DMD: variants seen among roughly 807,000 people sequenced by gnomAD.
DMD encodes the protein dystrophin.
In DMD, 63 loss-of-function variants were observed where a neutral mutation model predicts 330.1. That is an observed-to-expected ratio of 0.19 (90% CI 0.16 to 0.24). DMD has a LOEUF of 0.24. DMD is among the 10% of genes least tolerant of loss of function. DMD has a pLI of 1.00. For synonymous variants in DMD, 1,223 were observed against 959.8 expected, an observed-to-expected ratio of 1.27 and a Z score of -5.07; for missense variants, 3,344 against 2,684.1, an observed-to-expected ratio of 1.25 and a Z score of -5.43.
chrX:31,482,554 A>G (rs1224243182), intron 57 of DMD, among the ~76,000 whole-genome samples: 2 of 111,068 alleles, frequency 1.8e-5, no homozygotes, highest in Non-Finnish European at 3.8e-5. Flanking sequence ...AGTGAGTCCA[A>G]TGAAACACAG....
At chrX:32,479,781 C>T (rs981252304) in intron 21 of DMD, among the ~76,000 whole-genome samples, 4 of 109,401 alleles carry the variant, frequency 3.7e-5, no homozygotes, top group Non-Finnish European at 7.6e-5. Flanking sequence ...GCATATATCA[C>T]TATATATATC....
intron 43 of DMD, among the ~76,000 whole-genome samples, chrX:32,284,248 A>G (rs2148437081): frequency 8.9e-6 from 1 of 111,867 alleles, no homozygotes; most frequent in African/African-American, 3.2e-5. Context: ...AGAACCTTGA[A>G]TGGTCTATAG....
chrX:33,173,739 T>A (rs1026837143), intron 1 of DMD, among the ~76,000 whole-genome samples: 2 of 110,658 alleles, frequency 1.8e-5, no homozygotes, highest in Non-Finnish European at 3.8e-5. Flanking sequence ...TTACAAAGAA[T>A]AAAGAAAAAG....
intron 43 of DMD, among the ~76,000 whole-genome samples, chrX:32,283,145 A>G (rs1313617840): frequency 9.0e-6 from 1 of 111,581 alleles, no homozygotes; most frequent in East Asian, 2.8e-4. Flanking sequence ...AGACATATAT[A>G]GCAGACCTTA....
At chrX:32,968,445 G>T (rs2092250248) in intron 2 of DMD, among the ~76,000 whole-genome samples, 1 of 111,379 alleles carries the variant, frequency 9.0e-6, no homozygotes, top group Non-Finnish European at 1.9e-5. Context: ...ATCCCTAGCA[G>T]CTGGAGAGTA....
At chrX:33,286,608 C>A (rs1056655689) in intron 1 of DMD, among the ~76,000 whole-genome samples, 1 of 112,199 alleles carries the variant, frequency 8.9e-6, no homozygotes, top group Non-Finnish European at 1.9e-5. Context: ...CACATACATT[C>A]CTATATCCAT....
At chrX:32,987,410 C>A (rs2092873000) in intron 2 of DMD, among the ~76,000 whole-genome samples, 2 of 111,212 alleles carry the variant, frequency 1.8e-5, no homozygotes, top group Admixed American at 1.9e-4. Context: ...AATATGCAAA[C>A]CTTACTGGAA....
intron 1 of DMD, among the ~76,000 whole-genome samples, chrX:33,110,409 T>G (rs2095330650): frequency 9.0e-6 from 1 of 111,332 alleles, no homozygotes; most frequent in African/African-American, 3.3e-5. Flanking sequence ...ATATTGCAAT[T>G]GTAAAATACT....
At chrX:31,473,287 G>C (rs1347535161) in intron 59 of DMD, among the ~76,000 whole-genome samples, 3 of 106,958 alleles carry the variant, frequency 2.8e-5, no homozygotes, top group Non-Finnish European at 3.8e-5. Flanking sequence ...AGAATTGCTT[G>C]AACCCAGGAG....
At chrX:32,791,193 T>C (rs1035282119) in intron 7 of DMD, among the ~76,000 whole-genome samples, 2 of 99,875 alleles carry the variant, frequency 2.0e-5, no homozygotes, top group African/African-American at 7.2e-5. Context: ...AACACCATCA[T>C]GGATTGCTTG....
At chrX:32,422,384 T>C (rs2098193680) in intron 29 of DMD, among the ~76,000 whole-genome samples, 1 of 111,810 alleles carries the variant, frequency 8.9e-6, no homozygotes, top group Non-Finnish European at 1.9e-5. Context: ...TATTCTTCTA[T>C]CTGTGTAATT....
At chrX:33,037,426 C>T (rs1213020484) in intron 1 of DMD, among the ~76,000 whole-genome samples, 1 of 110,654 alleles carries the variant, frequency 9.0e-6, no homozygotes, top group Non-Finnish European at 1.9e-5. Flanking sequence ...GCCATAAACA[C>T]ATGAAGCTGT....
intron 55 of DMD, among the ~76,000 whole-genome samples, chrX:31,614,565 A>G (rs1201495168): frequency 8.9e-6 from 1 of 111,925 alleles, no homozygotes; most frequent in Non-Finnish European, 1.9e-5. Flanking sequence ...TTGCTTTCTC[A>G]CTATCAAGAA....
Position 32,317,273 on chromosome X carries a change from T to C in DMD, c.5923-6997A>G, listed in dbSNP as rs535216811. ...CTCATTTTCTAGAAACAAAAAGATA[T>C]GTGAAAGAAACCATAAAATGCCTAT... On this transcript the variant is annotated intron_variant, in intron 41 of 78. Coordinates refer to ENST00000357033, the MANE Select transcript of DMD (RefSeq NM_004006.3). Among the ~76,000 whole-genome samples the C allele has an allele frequency of 2.0e-3, 223 of 111,496 alleles. 1 individual carries two copies. The highest frequency in any genetic ancestry group is 5.2e-3 in the South Asian group (14 of 2,695).
In DMD at chrX:32,346,067, T is replaced by A. The variant is rs1254662476; in HGVS notation, c.5462A>T (p.Glu1821Val). ...DFNKDMNEDNEGTVKELLQRG... is the reference protein window; with the variant it reads ...DFNKDMNEDNVGTVKELLQRG... ...TTGCAACAATTCTTTTACAGTACCCTCATTGTCTTCATTCTGATCAAAAAC... is the reference window on the plus strand; with the variant it reads ...TTGCAACAATTCTTTTACAGTACCCACATTGTCTTCATTCTGATCAAAAAC... Residue 1821 changes from glutamate (E) to valine (V), a missense_variant, in exon 39 of 79, where the codon GAG becomes GTG. By Grantham distance (121) the Glu-to-Val change is moderately radical (BLOSUM62 -2). Coordinates refer to ENST00000357033, the MANE Select transcript of DMD (RefSeq NM_004006.3). 4.1e-6 allele frequency: 5 copies of A among 1,209,561 alleles called. No individual in the cohort carries two copies.
At chrX:33,271,156 A>G (rs2053147935) in intron 1 of DMD, among the ~76,000 whole-genome samples, 1 of 111,600 alleles carries the variant, frequency 9.0e-6, no homozygotes, top group African/African-American at 3.2e-5. Flanking sequence ...TTGCTAAGTT[A>G]CAGTTCCAAC....
chrX:31,347,860 T>C (rs1019094943), intron 61 of DMD, among the ~76,000 whole-genome samples: 1 of 112,561 alleles, frequency 8.9e-6, no homozygotes, highest in Non-Finnish European at 1.9e-5. Context: ...GTTCCCTTTC[T>C]TCACATTCTC....
At chrX:31,857,496 A>T (rs2093635581) in intron 48 of DMD, among the ~76,000 whole-genome samples, 1 of 109,888 alleles carries the variant, frequency 9.1e-6, no homozygotes, top group Admixed American at 9.8e-5. Context: ...TCAAATTAAA[A>T]CTTTTCTTAA....
At chrX:31,188,174 C>T (rs765712195) in intron 67 of DMD, among the ~76,000 whole-genome samples, 3 of 111,861 alleles carry the variant, frequency 2.7e-5, no homozygotes, top group South Asian at 3.7e-4. Context: ...CGGGGATTCA[C>T]GTTCTCATTC....
Sources: allele counts gnomAD v4.1 joint callset (sites outside exome capture counted in the v4.1 genomes callset), GRCh38; gene constraint gnomAD v4.1.1; transcripts MANE v1.5; gene names NCBI Gene and HGNC (gene_info 2026-07-23, HGNC 2026-07-21).